MACF1: variants seen among roughly 807,000 people sequenced by gnomAD.
MACF1 encodes the protein microtubule-actin cross-linking factor 1.
In MACF1, 193 loss-of-function variants were observed where a neutral mutation model predicts 854.8. The observed-to-expected ratio is 0.23, with a 90% CI of 0.20 to 0.25. The LOEUF is 0.25. MACF1 is among the 10% of genes least tolerant of loss of function. The probability of loss-of-function intolerance (pLI) is 1.00; values close to 1 mark genes in which losing one functional copy is unlikely to be tolerated. For missense variants in MACF1, 7,722 were observed against 8,929.1 expected (o/e 0.86, Z 5.45); for synonymous variants, 3,185 against 3,226.7 (o/e 0.99, Z 0.44).
chr1:39,425,684 T>C (rs1643702418), intron 61 of MACF1, among the ~76,000 whole-genome samples: 1 of 152,208 alleles, frequency 6.6e-6, no homozygotes, highest in South Asian at 2.1e-4. Flanking sequence ...TTATAATACA[T>C]CTTTCATGAA....
intron 2 of MACF1, among the ~76,000 whole-genome samples, chr1:39,168,638 C>G (rs1009068622): frequency 6.6e-6 from 1 of 151,928 alleles, no homozygotes; most frequent in Non-Finnish European, 1.5e-5. Flanking sequence ...TGGCTCAAAT[C>G]TGTGTTTCTA....
Position 39,359,166 on chromosome 1 carries a change from A to G in MACF1, c.12146A>G (p.His4049Arg), listed in dbSNP as rs1489473886. The G allele has an allele frequency of 6.2e-7, 1 of 1,614,162 alleles. No individual in the cohort carries two copies. The highest frequency in any genetic ancestry group is 1.1e-5 in the South Asian group (1 of 91,080). The change falls in exon 47 of 101, where the codon CAC becomes CGC. Residue 4049 changes from histidine to arginine, a missense_variant. His to Arg is a conservative substitution (Grantham distance 29). Coordinates refer to ENST00000564288, the MANE Select transcript of MACF1 (RefSeq NM_001394062.1). ...CAGTTGCAGGAGGAATTGGCTGAGC[A>G]CCAAGTACCTGTGGAAAAACTCCAA... ...TKQLQEELAE[H>R]QVPVEKLQKV...
chr1:39,316,355 A>G (rs760351318), intron 27 of MACF1, 36 bp from the exon 28 acceptor site: 2 of 1,562,796 alleles, frequency 1.3e-6, no homozygotes, highest in Admixed American at 1.8e-5. Flanking sequence ...CCTAAAATTC[A>G]TGTGTTAATG....
chr1:39,088,580 C>T (rs1641732824), intron 2 of MACF1, among the ~76,000 whole-genome samples: 1 of 152,196 alleles, frequency 6.6e-6, no homozygotes, highest in Admixed American at 6.5e-5. Flanking sequence ...GCCTCTTCCC[C>T]TCTGGCTCTC....
intron 2 of MACF1, among the ~76,000 whole-genome samples, chr1:39,109,866 A>T (rs1375644206): frequency 2.0e-5 from 3 of 152,162 alleles, no homozygotes; most frequent in Admixed American, 2.0e-4. Flanking sequence ...TTTAATTGTT[A>T]GTATCATTAT....
intron 58 of MACF1, among the ~76,000 whole-genome samples, chr1:39,406,939 A>G (rs1245480132): frequency 6.6e-6 from 1 of 152,090 alleles, no homozygotes; most frequent in Admixed American, 6.6e-5. Context: ...GAGTTTTTCC[A>G]GTTGTGCTGA....
intron 5 of MACF1, 151 bp from the exon 6 acceptor site, chr1:39,257,785 G>A: frequency 1.7e-6 from 1 of 601,404 alleles, no homozygotes; most frequent in Non-Finnish European, 2.9e-6. Context: ...TGTGGTGGTA[G>A]TTGCATGAAT....
At chr1:39,237,719 T>C (rs1644875540) in intron 2 of MACF1, among the ~76,000 whole-genome samples, 1 of 141,354 alleles carries the variant, frequency 7.1e-6, no homozygotes, top group African/African-American at 2.6e-5. Context: ...CAGCTGATTC[T>C]TTTTTTTTTT....
intron 57 of MACF1, 110 bp downstream of exon 57, chr1:39,386,039 C>T (rs1641761234): frequency 3.2e-6 from 4 of 1,267,520 alleles, no homozygotes; most frequent in Non-Finnish European, 4.3e-6. Context: ...AATTTGTAGA[C>T]TCAGAATGGT....
chr1:39,445,694 T>C (rs1170087398), intron 80 of MACF1, among the ~76,000 whole-genome samples: 20 of 152,222 alleles, frequency 1.3e-4, no homozygotes, highest in Admixed American at 1.3e-3. Flanking sequence ...ACCTGGTGGC[T>C]CACGCCTGTA....
intron 97 of MACF1, among the ~76,000 whole-genome samples, chr1:39,478,211 C>T (rs1644947451): frequency 6.6e-6 from 1 of 152,080 alleles, no homozygotes; most frequent in South Asian, 2.1e-4. Context: ...CCATGTTGGC[C>T]AAGCTGGTCT....
chr1:39,411,395 A>G (rs377500375), intron 58 of MACF1: 3 of 1,613,868 alleles, frequency 1.9e-6, no homozygotes, highest in Middle Eastern at 1.6e-4. Flanking sequence ...GATGGATCCG[A>G]TTGCTTAGCT....
intron 5 of MACF1, 193 bp downstream of exon 5, chr1:39,254,568 T>C: frequency 1.9e-6 from 1 of 530,794 alleles, no homozygotes; most frequent in Non-Finnish European, 3.3e-6. Flanking sequence ...ACAGAACTTG[T>C]GACCTCCTTG....
intron 22 of MACF1, 58 bp downstream of exon 22, chr1:39,300,420 C>A: frequency 6.6e-7 from 1 of 1,523,956 alleles, no homozygotes. Flanking sequence ...AGAAGGGAAG[C>A]CTTCAGTTAG....
intron 58 of MACF1, among the ~76,000 whole-genome samples, chr1:39,399,371 C>CTTTTTTTTT (rs1330401656): frequency 1.0e-4 from 10 of 96,740 alleles, no homozygotes; most frequent in East Asian, 9.6e-4. Flanking sequence ...CTTTATAAAG[C>CTTTTTTTTT]TTTTTTTTTT....
chr1:39,355,612 C>T (rs1403604170), intron 44 of MACF1, among the ~76,000 whole-genome samples: 1 of 151,896 alleles, frequency 6.6e-6, no homozygotes, highest in Non-Finnish European at 1.5e-5. Flanking sequence ...ATTACAGGTG[C>T]ACGCCACCAC....
rs34930273 is a variant in MACF1, at chr1:39,307,901, C to CTTTTTTTTTTT, written c.2790-1658_2790-1648dup. Among the ~76,000 whole-genome samples, 212 of 50,388 alleles carry CTTTTTTTTTTT rather than the reference C, an allele frequency of 4.2e-3. 14 individuals are homozygous for CTTTTTTTTTTT. The highest frequency in any genetic ancestry group is 0.038 in the Middle Eastern group (1 of 26). 33.1% of individuals were successfully genotyped at this position (50,388 alleles called of 152,430 possible). On this transcript the variant is annotated intron_variant, in intron 23 of 100. Transcript: ENST00000564288. ...TTATTTCTCTTTTCTTTCTTTCTTT[C>CTTTTTTTTTTT]TTTTTTTTTTTTTTTTTTTTTGAGA...
At chr1:39,203,240 A>G (rs1644413710), upstream of MACF1, among the ~76,000 whole-genome samples, 1 of 152,152 alleles carries the variant, frequency 6.6e-6, no homozygotes, top group African/African-American at 2.4e-5. Context: ...CTTTGTCTCA[A>G]ATAAAAAGGC....
chr1:39,388,084 C>T lies in MACF1; in HGVS notation c.15242C>T (p.Pro5081Leu). 1.9e-6 allele frequency: 3 copies of T among 1,614,094 alleles called. No individual in the cohort carries two copies. The highest frequency in any genetic ancestry group is 2.5e-6 in the Non-Finnish European group (3 of 1,180,024). The change falls in exon 58 of 101, where the codon CCA becomes CTA. Residue 5081 changes from proline to leucine, a missense_variant. Around this residue, in one of 15 missense-constraint regions of MACF1, gnomAD observed 2,807 missense variants for 3,235.8 expected, o/e 0.87. Coordinates refer to ENST00000564288, the MANE Select transcript of MACF1 (RefSeq NM_001394062.1). ...ACTCAGGGTCTGGTAGAAGATGCCC[C>T]AGATGGATCTGATGCTTCTCAACTT... ...NFTQGLVEDA[P>L]DGSDASQLLH...
Sources: gnomAD v4.1 joint callset for allele counts (sites outside exome capture counted in the v4.1 genomes callset) on GRCh38, gnomAD v4.1.1 for gene constraint, gnomAD v4.1.1 regional missense constraint, MANE v1.5 for transcripts, NCBI Gene and HGNC (gene_info 2026-07-23, HGNC 2026-07-21) for gene names.